The following NUCB2 variants were observed in gnomAD, a reference collection of about 807,000 sequenced individuals.
NUCB2 encodes nucleobindin 2.
Under a neutral mutation model 57.9 loss-of-function variants are expected in NUCB2, and 48 were observed. The ratio of observed to expected loss-of-function variants is 0.83; its 90% confidence interval spans 0.66 to 1.05. The LOEUF (loss-of-function observed/expected upper bound fraction) is 1.05, where lower values mean the gene tolerates loss of function less well. NUCB2 is among the 50% of genes least tolerant of loss of function. The pLI is 0.00. For missense variants in NUCB2, 442 were observed against 476.2 expected (o/e 0.93, Z 0.67); for synonymous variants, 139 against 152.1 (o/e 0.91, Z 0.64).
rs754771689 is a variant in NUCB2, at chr11:17,310,855, A to T, written c.514A>T (p.Thr172Ser). 1.9e-6 allele frequency: 3 copies of T among 1,589,642 alleles called. No individual in the cohort carries two copies. The highest frequency in any genetic ancestry group is 2.6e-6 in the Non-Finnish European group (3 of 1,174,014). The change falls in exon 7 of 14, where the codon ACT becomes TCT. Residue 172 changes from threonine (T) to serine (S), a missense_variant. Thr to Ser is a moderately conservative substitution (Grantham distance 58). Coordinates refer to ENST00000529010, the MANE Select transcript of NUCB2 (RefSeq NM_005013.4). The stretch of plus-strand genomic sequence containing the variant: ...AAGTGATCTGGAACACTATGACAAG[A>T]CTCGTCATGAAGAATTTAAAAAATA... ...ATSDLEHYDK[T>S]RHEEFKKYEM...
intron 11 of NUCB2, among the ~76,000 whole-genome samples, chr11:17,321,628 G>C (rs1370101603): frequency 6.6e-6 from 1 of 152,120 alleles, no homozygotes; most frequent in Non-Finnish European, 1.5e-5. Flanking sequence ...CATTAAGATT[G>C]CTGGGTCATA....
chr11:17,296,125 G>T lies in NUCB2; in HGVS notation c.166G>T (p.Glu56Ter). 1.9e-6 allele frequency: 3 copies of T among 1,608,296 alleles called. No homozygotes were observed. The highest frequency in any genetic ancestry group is 2.6e-6 in the Non-Finnish European group (3 of 1,176,350). ...EPPDTGLYYDEYLKQVIDVLE... is the reference protein window; with the variant it reads ...EPPDTGLYYD ...GAAGGATACTGGACTTTATTATGAT[G>T]AATATCTCAAGCAAGTGATTGATGT... The change falls in exon 4 of 14, where the codon GAA becomes TAA. Residue 56 changes from glutamate to a stop codon, truncating the protein, a stop_gained. Transcript: ENST00000529010. LOFTEE classifies it high-confidence loss of function.
Position 17,311,023 on chromosome 11 carries a change from A to G in NUCB2, c.669+13A>G. ...AGTTAATCACCCAGTAAGGATTGTG[A>G]CTTTATGAAACCATTTTTAGATAAA... On this transcript the variant is annotated intron_variant, in intron 7 of 13. Coordinates refer to ENST00000529010, the MANE Select transcript of NUCB2 (RefSeq NM_005013.4). 6.4e-7 allele frequency: 1 copy of G among 1,552,830 alleles called. No homozygotes were observed. Among genetic ancestry groups the G allele is most frequent in the Non-Finnish European group, 8.6e-7 (1 of 1,156,140 alleles).
chr11:17,319,806 G>T (rs1043540382), intron 11 of NUCB2, among the ~76,000 whole-genome samples: 1 of 152,038 alleles, frequency 6.6e-6, no homozygotes, highest in East Asian at 1.9e-4. Flanking sequence ...GTGTCATGGG[G>T]TTTTGTTTTA....
chr11:17,346,814 G>C (rs1411440547), intron 2 of NUCB2, among the ~76,000 whole-genome samples: 1 of 152,088 alleles, frequency 6.6e-6, no homozygotes, highest in Non-Finnish European at 1.5e-5. Flanking sequence ...TGCAAATTTT[G>C]CCAGTTATCC....
intron 11 of NUCB2, among the ~76,000 whole-genome samples, chr11:17,324,496 CTA>C (rs1950414364): frequency 6.6e-6 from 1 of 152,008 alleles, no homozygotes; most frequent in South Asian, 2.1e-4. Flanking sequence ...GGCAGTGGCA[CTA>C]TGTCAGCTCA....
chr11:17,316,031 A>G (rs527386457), intron 11 of NUCB2, among the ~76,000 whole-genome samples: 169 of 151,960 alleles, frequency 1.1e-3, no homozygotes, highest in African/African-American at 3.9e-3. Context: ...GGAGTGCAGT[A>G]GCGCGACCTT....
At chr11:17,314,326 C>T (rs1948937822) in intron 10 of NUCB2, among the ~76,000 whole-genome samples, 1 of 152,178 alleles carries the variant, frequency 6.6e-6, no homozygotes, top group Admixed American at 6.5e-5. Flanking sequence ...CTCTTAAAAG[C>T]ATAAATCAGG....
chr11:17,311,052 A>G, intron 7 of NUCB2, 42 bp downstream of exon 7: 2 of 1,492,186 alleles, frequency 1.3e-6, no homozygotes, highest in Middle Eastern at 1.8e-4. Flanking sequence ...AGATAAAGAT[A>G]CTTCTTCGTA....
chr11:17,304,285 C>T (rs1011930418), intron 5 of NUCB2, among the ~76,000 whole-genome samples: 1 of 151,870 alleles, frequency 6.6e-6, no homozygotes, highest in Admixed American at 6.6e-5. Flanking sequence ...ACCTCCGCCT[C>T]CTGTGTTCAA....
At chr11:17,279,459 G>C (rs1244236578) in intron 1 of NUCB2, among the ~76,000 whole-genome samples, 1 of 152,106 alleles carries the variant, frequency 6.6e-6, no homozygotes, top group Non-Finnish European at 1.5e-5. Context: ...ATCCTAGAGG[G>C]ATATGTTCCA....
chr11:17,296,439 A>G (rs1374324825), intron 4 of NUCB2, among the ~76,000 whole-genome samples: 2 of 152,182 alleles, frequency 1.3e-5, no homozygotes. Context: ...CCAGAAATAC[A>G]AAGATGAGAT....
In NUCB2 at chr11:17,330,006, C is replaced by A; in HGVS notation, c.1003-121C>A. On this transcript the variant is annotated intron_variant, in intron 11 of 13. Transcript: ENST00000529010. This position sits in a 1 kb window ranked among gnomAD's most constrained non-coding sequence, Gnocchi z 4.3. Reference sequence around the variant, plus strand: ...TTACTTATTTCCCCTTCCTTCTTACCTCCAAAGGCGTAATCCTATAGATAC... The same window carrying A: ...TTACTTATTTCCCCTTCCTTCTTACATCCAAAGGCGTAATCCTATAGATAC... 2.1e-6 allele frequency: 1 copy of A among 477,478 alleles called. No individual in the cohort carries two copies. Among genetic ancestry groups the A allele is most frequent in the Non-Finnish European group, 3.7e-6 (1 of 273,426 alleles). 29.6% of individuals were successfully genotyped at this position (477,478 alleles called of 1,614,324 possible). A position where few individuals can be genotyped will look rare whatever the true frequency, so the allele number is the denominator to read the frequency against.
intron 5 of NUCB2, among the ~76,000 whole-genome samples, chr11:17,309,062 C>T (rs527917926): frequency 1.9e-4 from 29 of 152,090 alleles, no homozygotes; most frequent in South Asian, 6.2e-4. Context: ...GCCTGTAACC[C>T]CAGCACTTTG....
chr11:17,300,014 G>GT (rs1301846935), intron 4 of NUCB2, among the ~76,000 whole-genome samples: 1 of 151,234 alleles, frequency 6.6e-6, no homozygotes, highest in African/African-American at 2.5e-5. Flanking sequence ...GTCTGTTTTT[G>GT]TTTTGTTTTT....
rs1032786355 is a variant in NUCB2 at position 17,316,465 on chromosome 11, A to C, written c.1002+990A>C. Among the ~76,000 whole-genome samples, 5 of 152,156 alleles carry C rather than the reference A, an allele frequency of 3.3e-5. No individual in the cohort carries two copies. The South Asian group carries it at 8.3e-4, about 25-fold the overall frequency. On this transcript the variant is annotated intron_variant, in intron 11 of 13. Transcript: ENST00000529010. ...ATAATTTATATATCCATTTCTCCAA[A>C]TTTAGACCTTTTGGGTAAATTCCAG...
intron 11 of NUCB2, among the ~76,000 whole-genome samples, chr11:17,318,196 T>C (rs1038504573): frequency 2.0e-5 from 3 of 151,702 alleles, no homozygotes; most frequent in Non-Finnish European, 4.4e-5. Context: ...TTTGTGTTTT[T>C]AGTAGAGGCA....
intron 4 of NUCB2, 141 bp downstream of exon 4, chr11:17,296,352 G>A: frequency 4.6e-6 from 2 of 433,250 alleles, no homozygotes; most frequent in South Asian, 5.3e-5. Flanking sequence ...CCAGTAGTTG[G>A]GACTACAGGT....
chr11:17,282,041 A>G (rs1472541066), intron 1 of NUCB2, among the ~76,000 whole-genome samples: 1 of 151,704 alleles, frequency 6.6e-6, no homozygotes, highest in Non-Finnish European at 1.5e-5. Flanking sequence ...TGGTGGTAAG[A>G]GTAAAGAAAA....
Sources: gnomAD v4.1 joint callset for allele counts (sites outside exome capture counted in the v4.1 genomes callset) on GRCh38, gnomAD v4.1.1 for gene constraint, Gnocchi (gnomAD v3.1) non-coding constraint, MANE v1.5 for transcripts, NCBI Gene and HGNC (gene_info 2026-07-23, HGNC 2026-07-21) for gene names.